The following MACO1 variants were observed in gnomAD, a reference collection of about 807,000 sequenced individuals.
MACO1 encodes macoilin.
Under a neutral mutation model 78.7 loss-of-function variants are expected in MACO1, and 14 were observed. That is an observed-to-expected ratio of 0.18 (90% CI 0.12 to 0.28). The LOEUF is 0.28. Ranked by LOEUF, MACO1 falls within the 10% of genes least tolerant of loss-of-function variation. The probability of loss-of-function intolerance (pLI) is 1.00; values close to 1 mark genes in which losing one functional copy is unlikely to be tolerated. For missense variants in MACO1, 501 were observed against 799.0 expected, an observed-to-expected ratio of 0.63 and a Z score of 4.50; for synonymous variants, 288 against 291.6, an observed-to-expected ratio of 0.99 and a Z score of 0.12.
At chr1:25,469,268 C>T (rs557609549) in intron 6 of MACO1, among the ~76,000 whole-genome samples, 1 of 152,150 alleles carries the variant, frequency 6.6e-6, no homozygotes, top group Non-Finnish European at 1.5e-5. Flanking sequence ...ATGTAATGTT[C>T]TAGTCATCAG....
intron 4 of MACO1, among the ~76,000 whole-genome samples, chr1:25,455,154 A>T (rs2124583518): frequency 6.6e-6 from 1 of 152,366 alleles, no homozygotes; most frequent in East Asian, 1.9e-4. Flanking sequence ...AATTCATGAA[A>T]CTTAAAATAA....
At chr1:25,435,356 T>C (rs2124566371) in intron 1 of MACO1, among the ~76,000 whole-genome samples, 1 of 152,304 alleles carries the variant, frequency 6.6e-6, no homozygotes, top group Admixed American at 6.5e-5. Context: ...CTGGTGTATA[T>C]GTTATTATTT....
chr1:25,446,535 G>T (rs59935516), intron 1 of MACO1, among the ~76,000 whole-genome samples: 9,443 of 152,172 alleles, frequency 0.062, 907 homozygotes, highest in African/African-American at 0.21. Context: ...GTAGAATTAA[G>T]CGTTTTTGGT....
In MACO1 at chr1:25,446,873, C is replaced by T. The variant is rs760677144; in HGVS notation, c.192C>T (p.Ser64=). ...YLWPFWLFIR[S]VYDSFRYQGL... ...GGCCATTCTGGCTTTTCATCAGAAG[C>T]GTCTATGATTCCTTCAGATACCAGG... Residue 64 remains serine (S), a synonymous_variant, in exon 2 of 11, where the codon AGC becomes AGT. Coordinates refer to ENST00000374343, the MANE Select transcript of MACO1 (RefSeq NM_018202.6). 17 of 1,613,304 alleles carry T rather than the reference C, an allele frequency of 1.1e-5. No homozygotes were observed. The highest frequency in any genetic ancestry group is 5.0e-5 in the Admixed American group (3 of 59,920).
chr1:25,468,951 C>T (rs1210760770), intron 6 of MACO1, among the ~76,000 whole-genome samples: 31 of 152,170 alleles, frequency 2.0e-4, no homozygotes, highest in Admixed American at 1.4e-3. Context: ...AGTAATTCTC[C>T]TGCCTCAGCC....
chr1:25,478,567 C>A (rs551824818), intron 6 of MACO1, among the ~76,000 whole-genome samples: 1 of 152,344 alleles, frequency 6.6e-6, no homozygotes, highest in South Asian at 2.1e-4. Context: ...GCATCTGACA[C>A]AGGGACCTGA....
chr1:25,450,807 G>A (rs1334856029), intron 3 of MACO1, among the ~76,000 whole-genome samples: 1 of 152,096 alleles, frequency 6.6e-6, no homozygotes, highest in East Asian at 1.9e-4. Flanking sequence ...TCAGTTTCTA[G>A]TGAGCTGCCT....
intron 2 of MACO1, among the ~76,000 whole-genome samples, chr1:25,448,190 C>T (rs1229902469): frequency 6.6e-6 from 1 of 152,066 alleles, no homozygotes; most frequent in African/African-American, 2.4e-5. Context: ...CAGGGCCAGA[C>T]GTGGTGGTTC....
rs1051541321 is a variant in MACO1 at position 25,453,464 on chromosome 1, C to T, written c.350-795C>T. ...GGATCACGAGGTCAGCAGATGGAGA[C>T]CATCCTGGCTAACACGGTGAAACCC... On this transcript the variant is annotated intron_variant, in intron 3 of 10. Transcript: ENST00000374343. Among the ~76,000 whole-genome samples the T allele has an allele frequency of 5.3e-5, 8 of 150,770 alleles. No homozygotes were observed. The East Asian group carries it at 9.9e-4, about 19-fold the overall frequency.
intron 6 of MACO1, among the ~76,000 whole-genome samples, chr1:25,477,351 A>G (rs2043329287): frequency 1.3e-5 from 2 of 150,798 alleles, no homozygotes; most frequent in East Asian, 1.9e-4. Context: ...ATTTTGGCTG[A>G]TGTGAAGGGT....
rs1182881500 is a variant in MACO1 at position 25,458,888 on chromosome 1, G to A, written c.1150G>A (p.Val384Ile). The change falls in exon 6 of 11, where the codon GTC becomes ATC. Residue 384 changes from valine (V) to isoleucine (I), a missense_variant. Transcript: ENST00000374343. Reference protein sequence around the residue: ...NNQLSKPDALVRLEQDIKKLK... With the variant: ...NNQLSKPDALIRLEQDIKKLK... ...CCAGCTAAGCAAACCAGACGCACTG[G>A]TCAGGTAAGTGCACATGCTGCATCC... 6.2e-7 allele frequency: 1 copy of A among 1,611,516 alleles called. No individual in the cohort carries two copies. The highest frequency in any genetic ancestry group is 1.7e-5 in the Admixed American group (1 of 59,694).
intron 6 of MACO1, among the ~76,000 whole-genome samples, chr1:25,481,940 TG>T (rs2043382788): frequency 6.6e-6 from 1 of 152,176 alleles, no homozygotes; most frequent in Admixed American, 6.5e-5. Context: ...TTTGGGGTTT[TG>T]GGGGTTTTTT....
chr1:25,433,024 T>G (rs2042889231), intron 1 of MACO1, among the ~76,000 whole-genome samples: 1 of 152,240 alleles, frequency 6.6e-6, no homozygotes, highest in Non-Finnish European at 1.5e-5. Flanking sequence ...TAAAGGTTAA[T>G]TGTAAATACT....
intron 5 of MACO1, among the ~76,000 whole-genome samples, 156 bp from the exon 6 acceptor site, chr1:25,458,235 A>G (rs1174770134): frequency 6.6e-6 from 1 of 152,220 alleles, no homozygotes; most frequent in African/African-American, 2.4e-5. Flanking sequence ...CTAGTAAACT[A>G]TGAGGATTTG....
At chr1:25,436,677 C>T (rs1015609524) in intron 1 of MACO1, among the ~76,000 whole-genome samples, 3 of 152,186 alleles carry the variant, frequency 2.0e-5, no homozygotes, top group African/African-American at 4.8e-5. Flanking sequence ...ACCTTGCATC[C>T]TGGCAATGGA....
Position 25,448,944 on chromosome 1 carries a change from A to C in MACO1, c.349+10A>C. The C allele has an allele frequency of 7.0e-7, 1 of 1,428,420 alleles. No individual in the cohort carries two copies. The highest frequency in any genetic ancestry group is 9.3e-7 in the Non-Finnish European group (1 of 1,073,950). 88.5% of individuals were successfully genotyped at this position (1,428,420 alleles called of 1,614,324 possible). ...TACGTATGGCACACAGGTAAGTCTT[A>C]ATGATTTCTTAGATGGATAGAAATC... On this transcript the variant is annotated intron_variant, in intron 3 of 10. Transcript: ENST00000374343.
intron 1 of MACO1, among the ~76,000 whole-genome samples, chr1:25,444,024 G>A (rs1224271372): frequency 6.6e-6 from 1 of 151,786 alleles, no homozygotes; most frequent in Non-Finnish European, 1.5e-5. Flanking sequence ...GGCCAAGGCG[G>A]GCAGATCACT....
chr1:25,450,452 G>A (rs2043055682), intron 3 of MACO1, among the ~76,000 whole-genome samples: 1 of 152,080 alleles, frequency 6.6e-6, no homozygotes, highest in Non-Finnish European at 1.5e-5. Context: ...GGCTGTCAGA[G>A]TCAAATTTGT....
intron 6 of MACO1, among the ~76,000 whole-genome samples, chr1:25,470,693 G>A (rs1312546657): frequency 6.6e-6 from 1 of 152,130 alleles, no homozygotes; most frequent in African/African-American, 2.4e-5. Context: ...GTGGGGAGGG[G>A]GCAGGTAGCA....
Sources: gnomAD v4.1 joint callset for allele counts (sites outside exome capture counted in the v4.1 genomes callset) on GRCh38, gnomAD v4.1.1 for gene constraint, MANE v1.5 for transcripts, NCBI Gene and HGNC (gene_info 2026-07-23, HGNC 2026-07-21) for gene names.